FERMT1: variants seen among roughly 807,000 people sequenced by gnomAD.
FERMT1 encodes the protein FERM domain containing kindlin 1.
A neutral mutation model predicts 85.3 loss-of-function variants in FERMT1; 60 were observed. The ratio of observed to expected loss-of-function variants is 0.70; its 90% CI spans 0.57 to 0.87. FERMT1 has a LOEUF of 0.87. Among genes scored for constraint, FERMT1 ranks in the 40% least tolerant of loss-of-function variants. The probability of loss-of-function intolerance (pLI) is 0.00; values close to 1 mark genes in which losing one functional copy is unlikely to be tolerated. For missense variants in FERMT1, 701 were observed against 818.9 expected (o/e 0.86, Z 1.76); for synonymous variants, 275 against 301.1 (o/e 0.91, Z 0.90).
At chr20:6,112,416 A>G (rs1982975678) in intron 4 of FERMT1, 61 bp downstream of exon 4, 3 of 1,529,148 alleles carry the variant, frequency 2.0e-6, no homozygotes, top group Admixed American at 1.7e-5. Context: ...GAGGAGAGAT[A>G]TATTTCTCTC....
chr20:6,114,197 T>C (rs1037058330), intron 3 of FERMT1, among the ~76,000 whole-genome samples: 1 of 152,184 alleles, frequency 6.6e-6, no homozygotes, highest in African/African-American at 2.4e-5. Context: ...AAATGCATAA[T>C]TTATACACAA....
In FERMT1 at chr20:6,087,687, T is replaced by C. The variant is rs115189669; in HGVS notation, c.1371+90A>G. 8.1e-4 allele frequency: 629 copies of C among 779,688 alleles called. 1 individual carries two copies. The African/African-American group carries it at 9.2e-3, about 11-fold the overall frequency. 48.3% of individuals were successfully genotyped at this position (779,688 alleles called of 1,614,324 possible). A position where few individuals can be genotyped will look rare whatever the true frequency, so the allele number is the denominator to read the frequency against. ...ACAAAGCAATAGCTGAGTGACACAA[T>C]AGTGCTCTAAATTTGTGAAAACATT... On this transcript the variant is annotated intron_variant, in intron 11 of 14. Transcript: ENST00000217289.
rs912513765 is a variant in FERMT1, at chr20:6,091,056, C to G, written c.1140-1967G>C. 4.6e-5 allele frequency among the ~76,000 whole-genome samples: 7 copies of G among 151,240 alleles called. No individual in the cohort carries two copies. The East Asian group carries it at 1.4e-3, about 31-fold the overall frequency. ...GCGTGCACCTGTAGTCCCAGCTACC[C>G]GGAGGCTGAGGCACAAGGATTGCTT... On this transcript the variant is annotated intron_variant, in intron 9 of 14. Coordinates refer to ENST00000217289, the MANE Select transcript of FERMT1 (RefSeq NM_017671.5).
At position 6,085,097 on chromosome 20, in the gene FERMT1, G is replaced by T. The variant is rs181604705; in HGVS notation, c.1562C>A (p.Pro521Gln). ...MDMNPECFVS[P>Q]RCAKRHKSKQ... is the part of the protein sequence containing the mutation. ...GGATTTGTGTCTTTTTGCACACCGT[G>T]GTGACACAAAACATTCTGGGTTCAT... is the stretch of plus-strand genomic sequence containing the variant. Residue 521 changes from proline to glutamine, a missense_variant, in exon 12 of 15, where the codon CCA becomes CAA. Pro to Gln is a moderately conservative substitution (Grantham distance 76, BLOSUM62 -1). Coordinates refer to ENST00000217289, the MANE Select transcript of FERMT1 (RefSeq NM_017671.5). 1 of 1,614,030 alleles carries T rather than the reference G, an allele frequency of 6.2e-7. No homozygotes were observed. The highest frequency in any genetic ancestry group is 1.3e-5 in the African/African-American group (1 of 75,010).
intron 3 of FERMT1, among the ~76,000 whole-genome samples, chr20:6,113,338 C>A (rs1416324850): frequency 2.0e-5 from 3 of 152,052 alleles, no homozygotes; most frequent in Admixed American, 6.6e-5. Context: ...TCTTTATCAG[C>A]AGCATGAAAA....
Position 6,079,464 on chromosome 20 carries a change from T to A in FERMT1, c.1832A>T (p.Gln611Leu). The A allele has an allele frequency of 6.2e-7, 1 of 1,614,174 alleles. No individual in the cohort carries two copies. The highest frequency in any genetic ancestry group is 2.2e-5 in the East Asian group (1 of 44,884). Residue 611 changes from glutamine (Q) to leucine (L), a missense_variant, in exon 14 of 15, where the codon CAG becomes CTG. Gln to Leu is a moderately radical substitution (Grantham distance 113). Coordinates refer to ENST00000217289, the MANE Select transcript of FERMT1 (RefSeq NM_017671.5). ...VTTWRFTNIK[Q>L]WNVNWETRQV... ...CCGGGTTTCCCAGTTTACATTCCAC[T>A]GTTTGATATTTGTGAATCTCCATGT...
At chr20:6,097,781 T>C (rs965222638) in intron 6 of FERMT1, 150 bp from the exon 7 acceptor site, 12 of 654,476 alleles carry the variant, frequency 1.8e-5, no homozygotes, top group Non-Finnish European at 2.7e-5. Context: ...TTGTGCCATA[T>C]ACTCAGCACT....
At chr20:6,081,589 A>G (rs965935258) in intron 13 of FERMT1, among the ~76,000 whole-genome samples, 6 of 152,090 alleles carry the variant, frequency 3.9e-5, no homozygotes, top group Non-Finnish European at 7.3e-5. Context: ...AGGGAGGGAG[A>G]GAAAACCTAA....
At chr20:6,092,872 G>A (rs1044517482) in intron 9 of FERMT1, among the ~76,000 whole-genome samples, 7 of 151,934 alleles carry the variant, frequency 4.6e-5, no homozygotes, top group Non-Finnish European at 7.4e-5. Flanking sequence ...CTGATGCTGC[G>A]TTTGTAGAAC....
chr20:6,084,297 A>G (rs1366070013), intron 12 of FERMT1, 133 bp from the exon 13 acceptor site: 10 of 966,814 alleles, frequency 1.0e-5, no homozygotes, highest in Non-Finnish European at 1.4e-5. Context: ...ATCCATTCTC[A>G]TCCATTCATT....
At chr20:6,109,427 G>C (rs950580401) in intron 5 of FERMT1, among the ~76,000 whole-genome samples, 1 of 152,320 alleles carries the variant, frequency 6.6e-6, no homozygotes, top group East Asian at 1.9e-4. Flanking sequence ...AGCATGGGAG[G>C]ACACGGAGAC....
intron 9 of FERMT1, among the ~76,000 whole-genome samples, chr20:6,089,634 G>A (rs898618482): frequency 1.3e-5 from 2 of 152,202 alleles, no homozygotes; most frequent in African/African-American, 4.8e-5. Flanking sequence ...AGCATTTTCT[G>A]TAGTTTCCTC....
At chr20:6,117,487 G>A (rs1446101865) in intron 2 of FERMT1, among the ~76,000 whole-genome samples, 2 of 150,488 alleles carry the variant, frequency 1.3e-5, no homozygotes, top group Non-Finnish European at 2.9e-5. Context: ...AGGCTGGAGT[G>A]CAGTGGTGTA....
At chr20:6,093,723 A>G (rs553481693) in intron 9 of FERMT1, among the ~76,000 whole-genome samples, 1 of 152,184 alleles carries the variant, frequency 6.6e-6, no homozygotes, top group East Asian at 1.9e-4. Flanking sequence ...TTGGGAGGCC[A>G]AGGCAGGCGG....
At chr20:6,085,359 G>C in intron 11 of FERMT1, 72 bp from the exon 12 acceptor site, 1 of 1,365,254 alleles carries the variant, frequency 7.3e-7, no homozygotes, top group Non-Finnish European at 1.0e-6. Flanking sequence ...GGGGACTTGG[G>C]CTTTCTACCC....
chr20:6,105,249 G>A (rs1272042388), intron 6 of FERMT1, among the ~76,000 whole-genome samples: 2 of 152,196 alleles, frequency 1.3e-5, no homozygotes, highest in Non-Finnish European at 2.9e-5. Context: ...ACCGAGAGTA[G>A]AGAAAAGCTC....
At chr20:6,121,749 A>T (rs1983281838) in intron 1 of FERMT1, among the ~76,000 whole-genome samples, 1 of 152,246 alleles carries the variant, frequency 6.6e-6, no homozygotes, top group South Asian at 2.1e-4. Flanking sequence ...GTGGAAATCC[A>T]GGTCTGCCTT....
intron 5 of FERMT1, 138 bp from the exon 6 acceptor site, chr20:6,107,772 T>A (rs756735708): frequency 1.7e-4 from 94 of 567,972 alleles, no homozygotes; most frequent in Non-Finnish European, 2.8e-4. Flanking sequence ...TGAGTATCAC[T>A]AATTTGAAAA....
intron 1 of FERMT1, among the ~76,000 whole-genome samples, chr20:6,121,169 C>T (rs1028713035): frequency 1.1e-4 from 17 of 152,302 alleles, no homozygotes; most frequent in African/African-American, 3.8e-4. Flanking sequence ...GTCACCCAGG[C>T]TGGAGTGCAG....
Sources: allele counts gnomAD v4.1 joint callset (sites outside exome capture counted in the v4.1 genomes callset), GRCh38; gene constraint gnomAD v4.1.1; transcripts MANE v1.5; gene names NCBI Gene and HGNC (gene_info 2026-07-23, HGNC 2026-07-21).